The following COPS2 variants were observed in gnomAD, a reference collection of about 807,000 sequenced individuals.
The protein encoded by COPS2 is COP9 signalosome subunit 2, also known as COP9 signalosome complex subunit 2.
A neutral mutation model predicts 66.1 loss-of-function variants in COPS2; 10 were observed. The ratio of observed to expected loss-of-function variants is 0.15; its 90% confidence interval spans 0.09 to 0.26. The LOEUF is 0.26. Ranked by LOEUF, COPS2 falls within the 10% of genes least tolerant of loss-of-function variation. COPS2 has a pLI of 1.00. For missense variants in COPS2, 215 were observed against 513.3 expected, an observed-to-expected ratio of 0.42 and a Z score of 5.62; for synonymous variants, 179 against 171.3, an observed-to-expected ratio of 1.04 and a Z score of -0.35.
chr15:49,132,071 T>C (rs1031533857), intron 9 of COPS2, among the ~76,000 whole-genome samples: 2 of 152,184 alleles, frequency 1.3e-5, no homozygotes, highest in Admixed American at 6.5e-5. Context: ...ATACAAAATA[T>C]CAATGTCTAG....
intron 3 of COPS2, among the ~76,000 whole-genome samples, chr15:49,140,139 A>C (rs1595822863): frequency 1.3e-5 from 2 of 149,966 alleles, no homozygotes; most frequent in South Asian, 4.2e-4. Context: ...GGCATGTGCC[A>C]CCACACCGGG....
rs765872248 is a variant in COPS2, at chr15:49,144,260, T to G, written c.213A>C (p.Ala71=). 1.9e-6 allele frequency: 3 copies of G among 1,610,876 alleles called. No individual in the cohort carries two copies. Among genetic ancestry groups the G allele is most frequent in the East Asian group, 4.5e-5 (2 of 44,718 alleles). ...AGTTAATCTTAATCATTTGTTTCAGTGCTTTAAATCCCCATTCTCCTTTTT... is the reference window on the plus strand; with the variant it reads ...AGTTAATCTTAATCATTTGTTTCAGGGCTTTAAATCCCCATTCTCCTTTTT... The part of the protein sequence containing the change: ...EGEKGEWGFK[A]LKQMIKINFK... Residue 71 remains alanine (A), a synonymous_variant, in exon 3 of 13, where the codon GCA becomes GCC. Transcript: ENST00000388901.
intron 10 of COPS2, 142 bp downstream of exon 10, chr15:49,130,577 T>C (rs577281428): frequency 2.2e-6 from 1 of 447,926 alleles, no homozygotes; most frequent in African/African-American, 2.0e-5. Context: ...GAATATCCCA[T>C]CCAATGACAG....
rs2084169305 is a variant in COPS2 at position 49,126,618 on chromosome 15, T to C, written c.*1332A>G. On this transcript the variant is annotated 3_prime_UTR_variant, in exon 13 of 13. Transcript: ENST00000388901. ...TGAACTTTTTAAAAAATGAAACAAA[T>C]ACATCCAAAACTCAATACATTCAAA... 1 of 152,264 alleles carries C rather than the reference T, an allele frequency of 6.6e-6. No homozygotes were observed. The highest frequency in any genetic ancestry group is 2.4e-5 in the African/African-American group (1 of 41,442). The allele number at this position is 152,264 out of a possible 1,614,324, so 9.4% of individuals were successfully genotyped here.
At chr15:49,155,388 G>A (rs2084418437) in intron 1 of COPS2, 137 bp downstream of exon 1, 2 of 767,424 alleles carry the variant, frequency 2.6e-6, no homozygotes, top group Non-Finnish European at 4.4e-6. Context: ...CGGGGAGGAG[G>A]TAAACCAGTC....
chr15:49,138,905 G>A (rs1026773519), intron 4 of COPS2, among the ~76,000 whole-genome samples: 1 of 152,084 alleles, frequency 6.6e-6, no homozygotes, highest in Non-Finnish European at 1.5e-5. Context: ...CAAGGATAAG[G>A]ACAAATGATC....
intron 3 of COPS2, among the ~76,000 whole-genome samples, chr15:49,142,424 C>G (rs986402985): frequency 6.6e-6 from 1 of 151,956 alleles, no homozygotes; most frequent in Non-Finnish European, 1.5e-5. Context: ...AGAAGAGGTA[C>G]AAGATTAGTA....
intron 9 of COPS2, among the ~76,000 whole-genome samples, chr15:49,132,868 T>G (rs1008615902): frequency 2.0e-5 from 3 of 152,160 alleles, no homozygotes; most frequent in African/African-American, 7.2e-5. Flanking sequence ...GGTAGGTTCT[T>G]CAGTGGTTAA....
intron 12 of COPS2, 85 bp downstream of exon 12, chr15:49,128,617 C>G: frequency 1.1e-6 from 1 of 949,246 alleles, no homozygotes; most frequent in Non-Finnish European, 1.6e-6. Flanking sequence ...TATGAATAAT[C>G]AAGAATCCAA....
In COPS2 at chr15:49,124,752, G is replaced by A. The variant is rs143504557; in HGVS notation, c.*3198C>T. On this transcript the variant is annotated 3_prime_UTR_variant, in exon 13 of 13. Coordinates refer to ENST00000388901, the MANE Select transcript of COPS2 (RefSeq NM_004236.4). Reference sequence around the variant, plus strand: ...CCCAGCTTTACTTGTGTATGCTCAAGCCTCACTTCAAAAATCTAAATCAAA... The same window carrying A: ...CCCAGCTTTACTTGTGTATGCTCAAACCTCACTTCAAAAATCTAAATCAAA... The A allele has an allele frequency of 4.9e-4, 74 of 152,218 alleles. No individual in the cohort carries two copies. The East Asian group carries it at 9.4e-3, about 19-fold the overall frequency. 9.4% of individuals were successfully genotyped at this position (152,218 alleles called of 1,614,324 possible).
At chr15:49,137,261 T>G in intron 5 of COPS2, 34 bp from the exon 6 acceptor site, 3 of 1,553,804 alleles carry the variant, frequency 1.9e-6, no homozygotes, top group South Asian at 2.3e-5. Context: ...AATCAAGATT[T>G]CAACAGAAGA....
At chr15:49,137,473 A>C in intron 4 of COPS2, 36 bp from the exon 5 acceptor site, 1 of 1,470,312 alleles carries the variant, frequency 6.8e-7, no homozygotes, top group Non-Finnish European at 9.5e-7. Flanking sequence ...AATTGTAAAC[A>C]GCAAATTTGT....
At chr15:49,155,072 G>C (rs2084408990) in intron 1 of COPS2, among the ~76,000 whole-genome samples, 1 of 152,242 alleles carries the variant, frequency 6.6e-6, no homozygotes, top group Non-Finnish European at 1.5e-5. Context: ...GGAGCAGTAA[G>C]GACACCCCCG....
chr15:49,141,594 TGAAG>T (rs1181223250), intron 3 of COPS2, among the ~76,000 whole-genome samples: 2 of 152,144 alleles, frequency 1.3e-5, no homozygotes, highest in Non-Finnish European at 2.9e-5. Context: ...AATTAAAGAC[TGAAG>T]GAAGAGTAGG....
At chr15:49,134,304 C>G in intron 7 of COPS2, 36 bp downstream of exon 7, 1 of 1,598,112 alleles carries the variant, frequency 6.3e-7, no homozygotes, top group South Asian at 1.1e-5. Context: ...TGATATCTCC[C>G]CATGCCACTG....
At chr15:49,140,291 G>A (rs1028866815) in intron 3 of COPS2, among the ~76,000 whole-genome samples, 2 of 151,930 alleles carry the variant, frequency 1.3e-5, no homozygotes, top group African/African-American at 2.4e-5. Context: ...CACTGCACTC[G>A]GCCAAAATCC....
chr15:49,146,524 C>A (rs896903859), intron 1 of COPS2, among the ~76,000 whole-genome samples: 5 of 152,088 alleles, frequency 3.3e-5, no homozygotes, highest in Non-Finnish European at 7.4e-5. Flanking sequence ...AGTTTGCCCA[C>A]TAGACAAAAC....
chr15:49,138,777 C>T (rs959994307), intron 4 of COPS2, among the ~76,000 whole-genome samples: 8 of 151,892 alleles, frequency 5.3e-5, no homozygotes, highest in East Asian at 3.9e-4. Context: ...TCTTTGATTA[C>T]GAGTACAAAA....
intron 2 of COPS2, among the ~76,000 whole-genome samples, chr15:49,144,560 G>T (rs2084309085): frequency 6.6e-6 from 1 of 152,082 alleles, no homozygotes; most frequent in Non-Finnish European, 1.5e-5. Flanking sequence ...TATAGTTTCT[G>T]AAATATTTTT....
Sources: allele counts gnomAD v4.1 joint callset (sites outside exome capture counted in the v4.1 genomes callset), GRCh38; gene constraint gnomAD v4.1.1; transcripts MANE v1.5; gene names NCBI Gene and HGNC (gene_info 2026-07-23, HGNC 2026-07-21).